DLG2: variants seen among roughly 807,000 people sequenced by gnomAD.
The protein encoded by DLG2 is discs large MAGUK scaffold protein 2.
In DLG2, 45 loss-of-function variants were observed where a neutral mutation model predicts 132.5. The observed-to-expected ratio is 0.34, with a 90% CI of 0.27 to 0.44. The LOEUF (loss-of-function observed/expected upper bound fraction) is 0.44. Among genes scored for constraint, DLG2 ranks in the 20% least tolerant of loss-of-function variants. The pLI, the probability that DLG2 is intolerant of heterozygous loss-of-function variation, is 1.00. For synonymous variants in DLG2, 424 were observed against 419.6 expected (o/e 1.01, Z -0.13); for missense variants, 1,045 against 1,196.9 (o/e 0.87, Z 1.87).
chr11:83,827,027 A>G (rs2053021314), intron 17 of DLG2, among the ~76,000 whole-genome samples: 1 of 152,130 alleles, frequency 6.6e-6, no homozygotes, highest in Non-Finnish European at 1.5e-5. Context: ...AGAGAACATC[A>G]GTACTGAAAA....
intron 21 of DLG2, among the ~76,000 whole-genome samples, chr11:83,492,225 TG>T (rs2093894934): frequency 6.6e-6 from 1 of 152,104 alleles, no homozygotes; most frequent in Non-Finnish European, 1.5e-5. Flanking sequence ...CTTACTCTGT[TG>T]ATCTTCCCAT....
intron 7 of DLG2, among the ~76,000 whole-genome samples, chr11:84,384,636 T>G (rs920876015): frequency 6.6e-6 from 1 of 152,020 alleles, no homozygotes; most frequent in Non-Finnish European, 1.5e-5. Flanking sequence ...GCTAATGAAT[T>G]ATAGCCAATG....
chr11:84,908,116 C>G (rs1457999997), intron 6 of DLG2, among the ~76,000 whole-genome samples: 1 of 151,908 alleles, frequency 6.6e-6, no homozygotes, highest in South Asian at 2.1e-4. Flanking sequence ...GCCTCCACAA[C>G]AGCAATGTCT....
At chr11:84,846,711 C>G (rs1044962391) in intron 6 of DLG2, among the ~76,000 whole-genome samples, 2 of 152,094 alleles carry the variant, frequency 1.3e-5, no homozygotes, top group East Asian at 3.9e-4. Context: ...TTTGACTGGT[C>G]TGTGGCTTAT....
chr11:84,631,432 G>C (rs970845330), intron 6 of DLG2, among the ~76,000 whole-genome samples: 3 of 152,100 alleles, frequency 2.0e-5, no homozygotes, highest in African/African-American at 7.2e-5. Flanking sequence ...AATGATTTAA[G>C]ATTTAGACAA....
intron 3 of DLG2, among the ~76,000 whole-genome samples, chr11:85,544,223 C>T (rs910234364): frequency 5.9e-5 from 9 of 152,118 alleles, no homozygotes; most frequent in African/African-American, 1.9e-4. Context: ...AGCCAGTTTT[C>T]CCAAGACCAC....
intron 19 of DLG2, among the ~76,000 whole-genome samples, chr11:83,628,392 G>C (rs1247135240): frequency 2.6e-5 from 4 of 152,126 alleles, no homozygotes; most frequent in Non-Finnish European, 5.9e-5. Context: ...TTTCTACCTG[G>C]CAGAAGCTAG....
At chr11:85,273,652 T>G (rs1006664403) in intron 4 of DLG2, among the ~76,000 whole-genome samples, 1 of 152,226 alleles carries the variant, frequency 6.6e-6, no homozygotes, top group Non-Finnish European at 1.5e-5. Flanking sequence ...TTTACACTGT[T>G]GGTGGGACTG....
Position 84,847,098 on chromosome 11 carries a change from G to C in DLG2, c.357+264563C>G, listed in dbSNP as rs528795131. Among the ~76,000 whole-genome samples the C allele has an allele frequency of 1.9e-4, 29 of 152,226 alleles. No homozygotes were observed. The South Asian group carries it at 5.6e-3, about 29-fold the overall frequency. On this transcript the variant is annotated intron_variant, in intron 6 of 27. Coordinates refer to ENST00000376104, the MANE Select transcript of DLG2 (RefSeq NM_001142699.3). ...AGAGAATAATAAATAGTTGTTATAA[G>C]TCATTATATCCACATAGCAATGAAT...
intron 14 of DLG2, among the ~76,000 whole-genome samples, chr11:83,931,887 T>C (rs917913234): frequency 5.9e-5 from 9 of 152,236 alleles, no homozygotes; most frequent in African/African-American, 1.9e-4. Context: ...AGCTTAATTC[T>C]TCACCGTTCA....
chr11:84,623,915 T>C (rs2099618010), intron 6 of DLG2, among the ~76,000 whole-genome samples: 1 of 152,224 alleles, frequency 6.6e-6, no homozygotes, highest in Admixed American at 6.5e-5. Flanking sequence ...CTAATATTCT[T>C]CTCTGCTAGG....
intron 9 of DLG2, among the ~76,000 whole-genome samples, chr11:84,152,617 AC>A (rs560501566): frequency 2.1e-4 from 32 of 151,322 alleles, no homozygotes; most frequent in Non-Finnish European, 4.4e-4. Flanking sequence ...CGATCTCCTG[AC>A]CTCGTGATCT....
chr11:84,930,977 C>T (rs2048013661), intron 6 of DLG2, among the ~76,000 whole-genome samples: 1 of 151,986 alleles, frequency 6.6e-6, no homozygotes, highest in African/African-American at 2.4e-5. Flanking sequence ...TATGTCCTGT[C>T]CCCAGCCCCT....
At chr11:83,763,202 C>T (rs1263226724) in intron 18 of DLG2, among the ~76,000 whole-genome samples, 3 of 152,102 alleles carry the variant, frequency 2.0e-5, no homozygotes, top group East Asian at 1.9e-4. Context: ...TAGGTTTAGG[C>T]GTATATGTGC....
chr11:84,951,028 T>C (rs1460172508), intron 6 of DLG2, among the ~76,000 whole-genome samples: 1 of 152,210 alleles, frequency 6.6e-6, no homozygotes, highest in Non-Finnish European at 1.5e-5. Flanking sequence ...TCATTTCCAT[T>C]AGGACAGTAA....
intron 6 of DLG2, among the ~76,000 whole-genome samples, chr11:84,688,809 A>C (rs560577806): frequency 6.6e-6 from 1 of 152,140 alleles, no homozygotes; most frequent in Non-Finnish European, 1.5e-5. Flanking sequence ...CAGTGTACTC[A>C]CTGCACACTT....
intron 18 of DLG2, among the ~76,000 whole-genome samples, chr11:83,695,288 T>C (rs544040747): frequency 2.7e-4 from 41 of 152,288 alleles, no homozygotes; most frequent in Non-Finnish European, 1.5e-5. Flanking sequence ...CCCCTGCCCT[T>C]AAGACGTTCA....
At chr11:84,485,062 T>G (rs1326405696) in intron 7 of DLG2, among the ~76,000 whole-genome samples, 1 of 152,094 alleles carries the variant, frequency 6.6e-6, no homozygotes, top group African/African-American at 2.4e-5. Flanking sequence ...GTGGCTTGCT[T>G]AAGTAATTGA....
At chr11:85,616,045 A>C (rs553862630) in intron 2 of DLG2, among the ~76,000 whole-genome samples, 1 of 152,302 alleles carries the variant, frequency 6.6e-6, no homozygotes, top group African/African-American at 2.4e-5. Context: ...ACTATACTTA[A>C]GTTTTAACAG....
Sources: allele counts gnomAD v4.1 joint callset (sites outside exome capture counted in the v4.1 genomes callset), GRCh38; gene constraint gnomAD v4.1.1; transcripts MANE v1.5; gene names NCBI Gene and HGNC (gene_info 2026-07-23, HGNC 2026-07-21).